FAM78A: variants seen among roughly 807,000 people sequenced by gnomAD.
FAM78A encodes the protein family with sequence similarity 78 member A, also known as protein FAM78A.
A neutral mutation model predicts 22.6 loss-of-function variants in FAM78A; 12 were observed. That is an observed-to-expected ratio of 0.53 (90% CI 0.34 to 0.86). FAM78A has a LOEUF of 0.86. FAM78A is among the 40% of genes least tolerant of loss of function. The pLI is 0.02. For missense variants in FAM78A, 322 were observed against 396.1 expected (o/e 0.81, Z 1.59); for synonymous variants, 151 against 155.8 (o/e 0.97, Z 0.23).
chr9:131,278,840 A>ACTTC (rs1835515984), upstream of FAM78A, among the ~76,000 whole-genome samples: 1 of 152,186 alleles, frequency 6.6e-6, no homozygotes, highest in Admixed American at 6.5e-5. Context: ...CATGACTCTG[A>ACTTC]CTTCCACAGG....
At chr9:131,266,682 G>A (rs971147454) in intron 1 of FAM78A, among the ~76,000 whole-genome samples, 3 of 152,178 alleles carry the variant, frequency 2.0e-5, no homozygotes, top group African/African-American at 7.2e-5. Flanking sequence ...TGTTCATGAG[G>A]GTGATTAAAT....
chr9:131,265,637 C>G lies in FAM78A; in HGVS notation c.324-4287G>C, dbSNP rs562082443. ...CCTGACCTCAGGTGACTGCCCGCCT[C>G]GGCCTCCCAAAGTGCTGGGATTACA... On this transcript the variant is annotated intron_variant, in intron 1 of 1. Coordinates refer to ENST00000372271, the MANE Select transcript of FAM78A (RefSeq NM_033387.4). This position sits in a 1 kb window ranked among gnomAD's most constrained non-coding sequence, Gnocchi z 4.3. 6.6e-6 allele frequency among the ~76,000 whole-genome samples: 1 copy of G among 152,194 alleles called. No homozygotes were observed. Among genetic ancestry groups the G allele is most frequent in the African/African-American group, 2.4e-5 (1 of 41,446 alleles).
chr9:131,278,485 G>C (rs1835512185), upstream of FAM78A, among the ~76,000 whole-genome samples: 2 of 152,144 alleles, frequency 1.3e-5, no homozygotes, highest in South Asian at 4.1e-4. Flanking sequence ...CCCTCGAGCA[G>C]GTCTGCTGGC....
At chr9:131,269,550 C>T (rs1835391645) in intron 1 of FAM78A, among the ~76,000 whole-genome samples, 1 of 151,812 alleles carries the variant, frequency 6.6e-6, no homozygotes, top group African/African-American at 2.4e-5. Flanking sequence ...GATCTCGGCT[C>T]ACGGTAACCT....
Position 131,275,773 on chromosome 9 carries a change from T to C in FAM78A, c.323+84A>G. The C allele has an allele frequency of 7.1e-7, 1 of 1,405,478 alleles. No homozygotes were observed. Among genetic ancestry groups the C allele is most frequent in the Non-Finnish European group, 9.6e-7 (1 of 1,042,584 alleles). The allele number at this position is 1,405,478 out of a possible 1,614,324, so 87.1% of individuals were successfully genotyped here. On this transcript the variant is annotated intron_variant, in intron 1 of 1. Coordinates refer to ENST00000372271, the MANE Select transcript of FAM78A (RefSeq NM_033387.4). The surrounding 1 kb of genome is among the most constrained non-coding windows in gnomAD (Gnocchi z 4.6). The stretch of plus-strand genomic sequence containing the variant: ...GTCCTGTCTTCATGGTATCTCCACC[T>C]TCCCCCTATCCGCGGCCCCCCACCA...
chr9:131,269,696 C>T (rs1160247796), intron 1 of FAM78A, among the ~76,000 whole-genome samples: 2 of 152,034 alleles, frequency 1.3e-5, no homozygotes, highest in Non-Finnish European at 2.9e-5. Flanking sequence ...AGGCTGGTCT[C>T]GAACTCCTGA....
Position 131,261,145 on chromosome 9 carries a change from C to G in FAM78A, c.529G>C (p.Val177Leu). ...CGGTAGATATTGGTGAGCTTGGCCA[C>G]GTTGCTCTCGCTGACGGGCACGGCC... is the stretch of plus-strand genomic sequence containing the variant. ...TWAVPVSESN[V>L]AKLTNIYRDQ... Residue 177 changes from valine (V) to leucine (L), a missense_variant, in exon 2 of 2, where the codon GTG (valine) becomes CTG (leucine). By Grantham distance (32) the Val-to-Leu change is conservative (BLOSUM62 1). Transcript: ENST00000372271. This position sits in a 1 kb window ranked among gnomAD's most constrained non-coding sequence, Gnocchi z 7.1. 2 of 1,614,078 alleles carry G rather than the reference C, an allele frequency of 1.2e-6. No homozygotes were observed. The highest frequency in any genetic ancestry group is 1.7e-6 in the Non-Finnish European group (2 of 1,179,984).
rs1835462329 is a variant in FAM78A at position 131,274,802 on chromosome 9, C to T, written c.323+1055G>A. Among the ~76,000 whole-genome samples the T allele has an allele frequency of 6.6e-6, 1 of 152,110 alleles. No homozygotes were observed. The highest frequency in any genetic ancestry group is 1.9e-4 in the East Asian group (1 of 5,170). The stretch of plus-strand genomic sequence containing the variant: ...GGGACGTGAAGCTGCACAGGGTAGA[C>T]ACTGAGAGAGGCTCTGGGAGTGTCA... On this transcript the variant is annotated intron_variant, in intron 1 of 1. Transcript: ENST00000372271. This position sits in a 1 kb window ranked among gnomAD's most constrained non-coding sequence, Gnocchi z 4.2.
intron 1 of FAM78A, among the ~76,000 whole-genome samples, chr9:131,271,608 A>G (rs1236418092): frequency 2.0e-5 from 3 of 152,316 alleles, no homozygotes; most frequent in African/African-American, 7.2e-5. Flanking sequence ...CCACCCAAAG[A>G]AACCCTTTCT....
In FAM78A at chr9:131,276,187, A is replaced by C; in HGVS notation, c.-8T>G. On this transcript the variant is annotated 5_prime_UTR_variant, in exon 1 of 2. Coordinates refer to ENST00000372271, the MANE Select transcript of FAM78A (RefSeq NM_033387.4). The surrounding 1 kb of genome is among the most constrained non-coding windows in gnomAD (Gnocchi z 4.3). ...ACAGAAAAAACCAGGCATTGAAAGG[A>C]CAGAGGCTGCAGGACCCAGTACAGA... 6.2e-7 allele frequency: 1 copy of C among 1,609,200 alleles called. No individual in the cohort carries two copies. Among genetic ancestry groups the C allele is most frequent in the Non-Finnish European group, 8.5e-7 (1 of 1,177,568 alleles).
At chr9:131,277,121 C>G (rs1355471305), upstream of FAM78A, among the ~76,000 whole-genome samples, 2 of 150,954 alleles carry the variant, frequency 1.3e-5, no homozygotes, top group Non-Finnish European at 3.0e-5. The surrounding 1 kb of genome is among the most constrained non-coding windows in gnomAD (Gnocchi z 8.4). Context: ...GCGCCCGCCC[C>G]GTCAGTGGCG....
Position 131,264,392 on chromosome 9 carries a change from A to G in FAM78A, c.324-3042T>C, listed in dbSNP as rs971613317. The G allele has an allele frequency of 7.0e-6, 4 of 570,472 alleles. No individual in the cohort carries two copies. In the African/African-American group the frequency reaches 7.6e-5, roughly 11 times the overall value. The allele number at this position is 570,472 out of a possible 1,614,324, so 35.3% of individuals were successfully genotyped here. ...TCAGGGCCAGGGCCAAATCGTCACC[A>G]GGCTGCGTGGATCCCTCCACCTGGG... On this transcript the variant is annotated intron_variant, in intron 1 of 1. Coordinates refer to ENST00000372271, the MANE Select transcript of FAM78A (RefSeq NM_033387.4).
chr9:131,271,156 T>C (rs1835416680), intron 1 of FAM78A, among the ~76,000 whole-genome samples: 1 of 152,080 alleles, frequency 6.6e-6, no homozygotes, highest in Non-Finnish European at 1.5e-5. Flanking sequence ...TACAGGCACA[T>C]GCCACCATGC....
Position 131,260,489 on chromosome 9 carries a change from G to T in FAM78A, c.*333C>A. 4.8e-6 allele frequency: 1 copy of T among 210,524 alleles called. No homozygotes were observed. 13.0% of individuals were successfully genotyped at this position (210,524 alleles called of 1,614,324 possible). ...TCCTCCTGCCCCTGAGCCCCCAAAAGAGGAGTTTTTTTAAAAAACGGAAAA... is the reference window on the plus strand; with the variant it reads ...TCCTCCTGCCCCTGAGCCCCCAAAATAGGAGTTTTTTTAAAAAACGGAAAA... On this transcript the variant is annotated 3_prime_UTR_variant, in exon 2 of 2. Coordinates refer to ENST00000372271, the MANE Select transcript of FAM78A (RefSeq NM_033387.4). This position sits in a 1 kb window ranked among gnomAD's most constrained non-coding sequence, Gnocchi z 5.4.
chr9:131,268,426 G>T (rs1835372495), intron 1 of FAM78A, among the ~76,000 whole-genome samples: 2 of 152,056 alleles, frequency 1.3e-5, no homozygotes, highest in Non-Finnish European at 2.9e-5. Context: ...GGGGCTGGAG[G>T]TCTCGCCTCC....
At position 131,276,165 on chromosome 9, in the gene FAM78A, G is replaced by GA. The variant is rs758104834; in HGVS notation, c.14dup (p.Cys6LeufsTer2). On this transcript the variant is annotated frameshift_variant, in exon 1 of 2. Coordinates refer to ENST00000372271, the MANE Select transcript of FAM78A (RefSeq NM_033387.4). LOFTEE classifies it high-confidence loss of function. This position sits in a 1 kb window ranked among gnomAD's most constrained non-coding sequence, Gnocchi z 4.3. ...TCTCCAGGGAAGGCCAGCAGTCACA[G>GA]AAAAAACCAGGCATTGAAAGGACAG... is the stretch of plus-strand genomic sequence containing the variant. 47 of 1,611,502 alleles carry GA rather than the reference G, an allele frequency of 2.9e-5. No individual in the cohort carries two copies. Among genetic ancestry groups the GA allele is most frequent in the Non-Finnish European group, 3.7e-5 (44 of 1,178,928 alleles).
rs1292757953 is a variant in FAM78A at position 131,276,040 on chromosome 9, A to T, written c.140T>A (p.Ile47Asn). ...GITVIDVKAS[I>N]DPVPTSIDES... is the part of the protein sequence containing the mutation. ...ATCGATGCTAGTGGGGACGGGGTCGATGGAGGCTTTCACATCAATCACCGT... is the reference window on the plus strand; with the variant it reads ...ATCGATGCTAGTGGGGACGGGGTCGTTGGAGGCTTTCACATCAATCACCGT... Residue 47 changes from isoleucine to asparagine, a missense_variant, in exon 1 of 2, where the codon ATC becomes AAC. Physicochemically the swap from Ile to Asn is moderately radical, Grantham distance 149 (BLOSUM62 -3). Transcript: ENST00000372271. The surrounding 1 kb of genome is among the most constrained non-coding windows in gnomAD (Gnocchi z 4.3). 2 of 1,613,728 alleles carry T rather than the reference A, an allele frequency of 1.2e-6. No individual in the cohort carries two copies. Among genetic ancestry groups the T allele is most frequent in the South Asian group, 1.1e-5 (1 of 91,078 alleles).
rs750293069 is a variant in FAM78A at position 131,275,965 on chromosome 9, G to A, written c.215C>T (p.Ser72Leu). The A allele has an allele frequency of 9.3e-6, 15 of 1,613,424 alleles. No homozygotes were observed. Among genetic ancestry groups the A allele is most frequent in the Admixed American group, 3.3e-5 (2 of 59,998 alleles). The change falls in exon 1 of 2, where the codon TCG (serine) becomes TTG (leucine). Residue 72 changes from serine to leucine, a missense_variant. Ser to Leu is a moderately radical substitution (Grantham distance 145). Coordinates refer to ENST00000372271, the MANE Select transcript of FAM78A (RefSeq NM_033387.4). The surrounding 1 kb of genome is among the most constrained non-coding windows in gnomAD (Gnocchi z 4.6). ...GATGGGCGGCATGACCACCTGGGCC[G>A]AGGCCCGGAAGTGGGGTGTCCGGTA... ...LRYRTPHFRA[S>L]AQVVMPPIPK...
upstream of FAM78A, among the ~76,000 whole-genome samples, chr9:131,279,481 C>A (rs552748121): frequency 6.6e-6 from 1 of 152,312 alleles, no homozygotes; most frequent in African/African-American, 2.4e-5. Context: ...CTCATCACCC[C>A]GACAGCCTGG....
Sources: gnomAD v4.1 joint callset for allele counts (sites outside exome capture counted in the v4.1 genomes callset) on GRCh38, gnomAD v4.1.1 for gene constraint, Gnocchi (gnomAD v3.1) non-coding constraint, MANE v1.5 for transcripts, NCBI Gene and HGNC (gene_info 2026-07-23, HGNC 2026-07-21) for gene names.